The following FANK1 variants were observed in gnomAD, a reference collection of about 807,000 sequenced individuals.
The protein encoded by FANK1 is fibronectin type III and ankyrin repeat domains 1.
FANK1 carries 44 observed loss-of-function variants against 45.3 expected under a neutral mutation model. That is an observed-to-expected ratio of 0.97 (90% CI 0.76 to 1.25). The LOEUF is 1.25. Among genes scored for constraint, FANK1 ranks in the 50% most tolerant of loss-of-function variants. The pLI, the probability that FANK1 is intolerant of heterozygous loss-of-function variation, is 0.00. For missense variants in FANK1, 391 were observed against 424.4 expected, an observed-to-expected ratio of 0.92 and a Z score of 0.69; for synonymous variants, 149 against 152.5, an observed-to-expected ratio of 0.98 and a Z score of 0.17.
At chr10:125,935,274 T>C (rs1407430499) in intron 1 of FANK1, among the ~76,000 whole-genome samples, 1 of 152,238 alleles carries the variant, frequency 6.6e-6, no homozygotes, top group Non-Finnish European at 1.5e-5. Flanking sequence ...CCTGTGGAAC[T>C]ATAAGCTTCC....
intron 1 of FANK1, among the ~76,000 whole-genome samples, chr10:125,936,052 T>G (rs1948074697): frequency 6.6e-6 from 1 of 152,220 alleles, no homozygotes. Context: ...TACATATTGC[T>G]GGAGCATCAG....
At chr10:125,919,170 A>G (rs1379913540) in intron 1 of FANK1, among the ~76,000 whole-genome samples, 1 of 141,418 alleles carries the variant, frequency 7.1e-6, no homozygotes, top group Non-Finnish European at 1.5e-5. Flanking sequence ...AACCAACACT[A>G]GTAAAATACT....
chr10:126,001,490 G>A (rs140451370), intron 6 of FANK1, among the ~76,000 whole-genome samples: 2 of 152,280 alleles, frequency 1.3e-5, no homozygotes, highest in African/African-American at 4.8e-5. Context: ...CAAGCGGAGC[G>A]GGTCCTCCAT....
At chr10:126,007,724 C>T (rs776647020) in intron 7 of FANK1, among the ~76,000 whole-genome samples, 51 of 152,264 alleles carry the variant, frequency 3.3e-4, no homozygotes, top group Admixed American at 9.8e-4. Flanking sequence ...AGCACAAACA[C>T]GTATCTGTCT....
At chr10:125,989,479 C>T (rs1232165862) in intron 3 of FANK1, 4 of 933,642 alleles carry the variant, frequency 4.3e-6, no homozygotes, top group Non-Finnish European at 6.9e-6. Flanking sequence ...CAACTGTGTC[C>T]TTTAGGCATT....
At chr10:125,994,873 CT>C (rs1952204916) in intron 3 of FANK1, 1 of 985,294 alleles carries the variant, frequency 1.0e-6, no homozygotes, top group Admixed American at 6.1e-5. Flanking sequence ...GCTCTCTCCC[CT>C]AATTGGCTTT....
At chr10:125,966,461 A>C (rs900623181) in intron 1 of FANK1, among the ~76,000 whole-genome samples, 19 of 151,918 alleles carry the variant, frequency 1.3e-4, no homozygotes, top group African/African-American at 4.4e-4. Context: ...CCTGGTTTGT[A>C]TTTGTTTGGT....
chr10:125,968,618 C>T (rs1397661874), intron 1 of FANK1, among the ~76,000 whole-genome samples: 1 of 152,136 alleles, frequency 6.6e-6, no homozygotes, highest in African/African-American at 2.4e-5. Context: ...CACCACTTCT[C>T]TCTGTAGCTT....
At chr10:125,998,667 A>G (rs1451059199) in intron 6 of FANK1, among the ~76,000 whole-genome samples, 1 of 152,212 alleles carries the variant, frequency 6.6e-6, no homozygotes, top group African/African-American at 2.4e-5. Context: ...AGAGAAGAAT[A>G]ACTGGTTATA....
At chr10:125,963,896 A>T (rs1356638659) in intron 1 of FANK1, among the ~76,000 whole-genome samples, 1 of 149,292 alleles carries the variant, frequency 6.7e-6, no homozygotes, top group African/African-American at 2.6e-5. Context: ...GTATAATAAT[A>T]AAAAAAAACA....
chr10:125,998,650 G>C (rs1952523277), intron 6 of FANK1, among the ~76,000 whole-genome samples: 1 of 152,094 alleles, frequency 6.6e-6, no homozygotes, highest in Non-Finnish European at 1.5e-5. Context: ...AAAATTAGAA[G>C]TTTGAAAGAG....
At chr10:125,909,686 C>CTTTTTT (rs34854157) in intron 1 of FANK1, among the ~76,000 whole-genome samples, 10 of 103,270 alleles carry the variant, frequency 9.7e-5, no homozygotes, top group East Asian at 2.9e-4. Flanking sequence ...GACCAATTAA[C>CTTTTTT]TTTTTTTTTT....
At chr10:125,963,064 G>A (rs920666846) in intron 1 of FANK1, among the ~76,000 whole-genome samples, 5 of 149,924 alleles carry the variant, frequency 3.3e-5, no homozygotes, top group Non-Finnish European at 5.9e-5. Context: ...TCTGCTCACT[G>A]CAACCTCTGT....
At chr10:125,945,103 C>A (rs1040984368) in intron 1 of FANK1, among the ~76,000 whole-genome samples, 2 of 152,164 alleles carry the variant, frequency 1.3e-5, no homozygotes, top group African/African-American at 4.8e-5. Flanking sequence ...TATGTGTAAT[C>A]CAAGTAAACA....
intron 1 of FANK1, among the ~76,000 whole-genome samples, chr10:125,911,217 C>A (rs930287151): frequency 6.6e-6 from 1 of 152,040 alleles, no homozygotes; most frequent in Non-Finnish European, 1.5e-5. Flanking sequence ...ACGTCAGACT[C>A]AGGCAATACG....
chr10:125,986,211 A>G (rs1951549636), intron 2 of FANK1, among the ~76,000 whole-genome samples: 1 of 152,324 alleles, frequency 6.6e-6, no homozygotes, highest in East Asian at 1.9e-4. Context: ...TGAATCCACC[A>G]GCACAGAGCA....
chr10:125,969,227 T>A (rs1950345883), intron 1 of FANK1, among the ~76,000 whole-genome samples: 1 of 152,064 alleles, frequency 6.6e-6, no homozygotes, highest in Non-Finnish European at 1.5e-5. Context: ...TTGCTTTTTT[T>A]AGAAAACAAA....
At chr10:125,966,093 C>T (rs1033779941) in intron 1 of FANK1, among the ~76,000 whole-genome samples, 1 of 152,104 alleles carries the variant, frequency 6.6e-6, no homozygotes, top group Non-Finnish European at 1.5e-5. Flanking sequence ...CATTACTACT[C>T]TAGGGAGTTT....
In FANK1 at chr10:125,911,941, ATAGT is replaced by A. The variant is rs373316417; in HGVS notation, c.13+15290_13+15293del. 3.9e-5 allele frequency among the ~76,000 whole-genome samples: 6 copies of A among 152,346 alleles called. No individual in the cohort carries two copies. In the East Asian group the frequency reaches 5.8e-4, roughly 15 times the overall value. ...ATATACTCAACAGCATCTGTGCATG[ATAGT>A]TAGAGGGGAAAAAATGCGATGTAGA... On this transcript the variant is annotated intron_variant, in intron 1 of 10. Coordinates refer to ENST00000368693, the MANE Select transcript of FANK1 (RefSeq NM_145235.5).
Sources: gnomAD v4.1 joint callset for allele counts (sites outside exome capture counted in the v4.1 genomes callset) on GRCh38, gnomAD v4.1.1 for gene constraint, MANE v1.5 for transcripts, NCBI Gene and HGNC (gene_info 2026-07-23, HGNC 2026-07-21) for gene names.